CSNK1G1: variants seen among roughly 807,000 people sequenced by gnomAD.
The protein encoded by CSNK1G1 is casein kinase I isoform gamma-1.
Under a neutral mutation model 59.6 loss-of-function variants are expected in CSNK1G1, and 22 were observed. The ratio of observed to expected loss-of-function variants is 0.37; its 90% CI spans 0.26 to 0.53. The LOEUF is 0.53. CSNK1G1 is among the 20% of genes least tolerant of loss of function. The probability of loss-of-function intolerance (pLI) is 0.89; values close to 1 mark genes in which losing one functional copy is unlikely to be tolerated. For missense variants in CSNK1G1, 384 were observed against 519.5 expected, an observed-to-expected ratio of 0.74 and a Z score of 2.54; for synonymous variants, 179 against 177.1, an observed-to-expected ratio of 1.01 and a Z score of -0.08.
At chr15:64,245,833 A>G (rs768644716) in intron 4 of CSNK1G1, among the ~76,000 whole-genome samples, 9 of 152,174 alleles carry the variant, frequency 5.9e-5, no homozygotes, top group Non-Finnish European at 8.8e-5. Flanking sequence ...GGCCTTTATA[A>G]TAACTGAAAT....
chr15:64,289,729 T>C (rs1016769108), intron 2 of CSNK1G1, among the ~76,000 whole-genome samples: 1 of 152,174 alleles, frequency 6.6e-6, no homozygotes, highest in African/African-American at 2.4e-5. Context: ...TTTACAATAC[T>C]AATTGTAAGA....
intron 4 of CSNK1G1, among the ~76,000 whole-genome samples, chr15:64,217,637 G>A (rs1036383724): frequency 8.6e-5 from 13 of 152,036 alleles, no homozygotes; most frequent in Non-Finnish European, 1.6e-4. Context: ...GGCCAACATG[G>A]TGAAACTGTC....
chr15:64,336,255 AT>A (rs1897385068), intron 1 of CSNK1G1, among the ~76,000 whole-genome samples: 3 of 151,810 alleles, frequency 2.0e-5, no homozygotes, highest in Admixed American at 2.0e-4. Context: ...ACTAGATTCG[AT>A]CTCTCTCATT....
chr15:64,192,748 A>G (rs1326317992), intron 10 of CSNK1G1, among the ~76,000 whole-genome samples: 1 of 146,270 alleles, frequency 6.8e-6, no homozygotes, highest in African/African-American at 2.5e-5. Flanking sequence ...AGTCCCAGCT[A>G]CTTGGGAGGC....
intron 11 of CSNK1G1, among the ~76,000 whole-genome samples, chr15:64,173,619 C>CTTTTTTTTT (rs928192194): frequency 6.2e-4 from 67 of 108,536 alleles, no homozygotes; most frequent in African/African-American, 9.3e-4. Flanking sequence ...CTTTTCTTTT[C>CTTTTTTTTT]TTTTTTTTTT....
At chr15:64,259,333 A>G (rs1892562701) in intron 2 of CSNK1G1, 92 bp from the exon 3 acceptor site, 1 of 813,450 alleles carries the variant, frequency 1.2e-6, no homozygotes, top group Non-Finnish European at 2.0e-6. Flanking sequence ...GAGAAAGGTT[A>G]TATTCCCAAT....
intron 4 of CSNK1G1, among the ~76,000 whole-genome samples, chr15:64,244,536 A>G (rs1891651805): frequency 6.6e-6 from 1 of 152,154 alleles, no homozygotes; most frequent in African/African-American, 2.4e-5. Context: ...CAATCCTAAA[A>G]TTCTTATGAA....
Position 64,165,935 on chromosome 15 carries a change from A to G in CSNK1G1, c.*5996T>C. The G allele has an allele frequency of 3.3e-6, 2 of 604,656 alleles. No homozygotes were observed. Among genetic ancestry groups the G allele is most frequent in the South Asian group, 3.8e-5 (2 of 52,142 alleles). 37.5% of individuals were successfully genotyped at this position (604,656 alleles called of 1,614,324 possible). A position where few individuals can be genotyped will look rare whatever the true frequency, so the allele number is the denominator to read the frequency against. On this transcript the variant is annotated 3_prime_UTR_variant, in exon 12 of 12. Coordinates refer to ENST00000303052, the MANE Select transcript of CSNK1G1 (RefSeq NM_022048.5). ...GAAGGCTACTTCCTCTGCAGAGAAG[A>G]TTTTCCTAATGGTGCACAAATATCT...
At chr15:64,285,774 C>G (rs980038433) in intron 2 of CSNK1G1, among the ~76,000 whole-genome samples, 1 of 152,024 alleles carries the variant, frequency 6.6e-6, no homozygotes, top group Non-Finnish European at 1.5e-5. Flanking sequence ...ACAGATTGCT[C>G]CATGTTTTCT....
intron 10 of CSNK1G1, among the ~76,000 whole-genome samples, chr15:64,191,377 C>T (rs1457108133): frequency 6.6e-6 from 1 of 151,994 alleles, no homozygotes; most frequent in African/African-American, 2.4e-5. Context: ...GTTTTTGAGG[C>T]AGATAAAATA....
At chr15:64,311,376 A>G (rs1895987704) in intron 1 of CSNK1G1, among the ~76,000 whole-genome samples, 1 of 152,218 alleles carries the variant, frequency 6.6e-6, no homozygotes, top group Non-Finnish European at 1.5e-5. Flanking sequence ...CTACTTCTAC[A>G]TAAATGAATC....
At chr15:64,248,955 T>C (rs1256186191) in intron 4 of CSNK1G1, among the ~76,000 whole-genome samples, 2 of 151,956 alleles carry the variant, frequency 1.3e-5, no homozygotes, top group Non-Finnish European at 2.9e-5. Context: ...CCCGTCTCTA[T>C]TAAAATTACA....
chr15:64,173,551 C>T (rs2081701241), intron 11 of CSNK1G1, among the ~76,000 whole-genome samples: 1 of 151,356 alleles, frequency 6.6e-6, no homozygotes, highest in Non-Finnish European at 1.5e-5. Context: ...AAATAATCCT[C>T]AGTGGAAACC....
intron 10 of CSNK1G1, among the ~76,000 whole-genome samples, chr15:64,196,612 G>T (rs147917590): frequency 0.02 from 2,994 of 151,848 alleles, 113 homozygotes; most frequent in African/African-American, 0.069. Flanking sequence ...CCACCATGCC[G>T]GGCTAATTTT....
chr15:64,187,401 T>C (rs950454701), intron 10 of CSNK1G1, among the ~76,000 whole-genome samples: 14 of 152,036 alleles, frequency 9.2e-5, no homozygotes, highest in Admixed American at 7.9e-4. Flanking sequence ...GGTTTCACCA[T>C]GTTGGCCAGG....
rs1201885236 is a variant in CSNK1G1 at position 64,214,431 on chromosome 15, CG to C, written c.445-308del. On this transcript the variant is annotated intron_variant, in intron 5 of 11. Transcript: ENST00000303052. The surrounding 1 kb of genome is among the most constrained non-coding windows in gnomAD (Gnocchi z 4.3). ...AATGAAATCAGTTGTTTATATGCTACGTCAGAAAATTAAGCATTTGAGACAA... is the reference window on the plus strand; with the variant it reads ...AATGAAATCAGTTGTTTATATGCTACTCAGAAAATTAAGCATTTGAGACAA... Among the ~76,000 whole-genome samples, 2 of 152,126 alleles carry C rather than the reference CG, an allele frequency of 1.3e-5. No homozygotes were observed. The highest frequency in any genetic ancestry group is 4.8e-5 in the African/African-American group (2 of 41,428).
chr15:64,334,487 A>G (rs1290290643), intron 1 of CSNK1G1, among the ~76,000 whole-genome samples: 5 of 152,170 alleles, frequency 3.3e-5, no homozygotes, highest in Non-Finnish European at 7.3e-5. Context: ...ACATTGTACT[A>G]TGCAATGAAA....
chr15:64,181,294 A>G, intron 10 of CSNK1G1: 1 of 1,536,124 alleles, frequency 6.5e-7, no homozygotes. Context: ...GGACCCAATC[A>G]GGCTTCTCTT....
rs999491094 is a variant in CSNK1G1, at chr15:64,169,868, A to G, written c.*2063T>C. On this transcript the variant is annotated 3_prime_UTR_variant, in exon 12 of 12. Transcript: ENST00000303052. ...TAGCCAAGGTCCAATGGAACAGATG[A>G]AGCCCAGTACCTCTGATCCATGTTA... 2 of 152,248 alleles carry G rather than the reference A, an allele frequency of 1.3e-5. No homozygotes were observed. The highest frequency in any genetic ancestry group is 2.9e-5 in the Non-Finnish European group (2 of 68,044). 9.4% of individuals were successfully genotyped at this position (152,248 alleles called of 1,614,324 possible). A position where few individuals can be genotyped will look rare whatever the true frequency, so the allele number is the denominator to read the frequency against.
Sources: allele counts gnomAD v4.1 joint callset (sites outside exome capture counted in the v4.1 genomes callset), GRCh38; gene constraint gnomAD v4.1.1; non-coding constraint Gnocchi (gnomAD v3.1); transcripts MANE v1.5; gene names NCBI Gene and HGNC (gene_info 2026-07-23, HGNC 2026-07-21).